FBXL18: variants seen among roughly 807,000 people sequenced by gnomAD.
The protein encoded by FBXL18 is F-box/LRR-repeat protein 18.
In FBXL18, 36 loss-of-function variants were observed where a neutral mutation model predicts 46.0. The observed-to-expected ratio is 0.78, with a 90% confidence interval of 0.60 to 1.03. The LOEUF (loss-of-function observed/expected upper bound fraction) is 1.03. Ranked by LOEUF, FBXL18 falls within the 50% of genes least tolerant of loss-of-function variation. The pLI is 0.00. For missense variants in FBXL18, 977 were observed against 1,004.1 expected (o/e 0.97, Z 0.36); for synonymous variants, 557 against 465.3 (o/e 1.20, Z -2.54).
intron 2 of FBXL18, among the ~76,000 whole-genome samples, chr7:5,503,226 A>G (rs1784312754): frequency 6.6e-6 from 1 of 152,232 alleles, no homozygotes; most frequent in Admixed American, 6.5e-5. Flanking sequence ...ACCAAAAAGA[A>G]AAAATATATT....
intron 3 of FBXL18, among the ~76,000 whole-genome samples, chr7:5,492,505 G>A (rs1026751104): frequency 2.6e-5 from 4 of 151,904 alleles, no homozygotes; most frequent in Admixed American, 1.3e-4. Context: ...GGGCTGAGGC[G>A]AATGGGGAGG....
chr7:5,501,396 C>T lies in FBXL18; in HGVS notation c.873G>A (p.Val291=), dbSNP rs1002321875. The change falls in exon 3 of 5, where the codon GTG becomes GTA. Residue 291 remains valine, a synonymous_variant. Transcript: ENST00000382368. ...NLLDSMARNV[V]LDALQLPKSW... The stretch of plus-strand genomic sequence containing the variant: ...ACTTGGGCAGCTGCAGGGCATCCAG[C>T]ACGACATTGCGCGCCATGGAGTCCA... The T allele has an allele frequency of 2.5e-6, 4 of 1,613,682 alleles. No individual in the cohort carries two copies. The highest frequency in any genetic ancestry group is 1.6e-4 in the Middle Eastern group (1 of 6,084).
chr7:5,485,336 T>C (rs370350353), intron 4 of FBXL18, among the ~76,000 whole-genome samples: 2 of 152,180 alleles, frequency 1.3e-5, no homozygotes. Context: ...CCTGTGCGGC[T>C]TCATAGTCTG....
intron 4 of FBXL18, among the ~76,000 whole-genome samples, chr7:5,485,698 G>A (rs974434302): frequency 2.6e-5 from 4 of 151,918 alleles, no homozygotes; most frequent in East Asian, 1.9e-4. Flanking sequence ...ATCTGAGGTC[G>A]GGAGTTCGAG....
chr7:5,512,524 G>A (rs892291073), intron 1 of FBXL18, among the ~76,000 whole-genome samples: 4 of 152,218 alleles, frequency 2.6e-5, no homozygotes, highest in South Asian at 4.1e-4. Flanking sequence ...CTGAGAAGGG[G>A]AATCGCTTGA....
In FBXL18 at chr7:5,501,114, C is replaced by T. The variant is rs754507084; in HGVS notation, c.1155G>A (p.Leu385=). The part of the protein sequence containing the change: ...LETLVASCCN[L]RHLNLSAAHH... Reference sequence around the variant, plus strand: ...GGGCGGCCGAGAGGTTCAGGTGGCGCAGGTTGCAGCAGGACGCCACCAGAG... The same window carrying T: ...GGGCGGCCGAGAGGTTCAGGTGGCGTAGGTTGCAGCAGGACGCCACCAGAG... Residue 385 remains leucine (L), a synonymous_variant, in exon 3 of 5, where the codon CTG becomes CTA. Transcript: ENST00000382368. 6.2e-7 allele frequency: 1 copy of T among 1,612,758 alleles called. No individual in the cohort carries two copies. The highest frequency in any genetic ancestry group is 1.1e-5 in the South Asian group (1 of 91,058).
intron 4 of FBXL18, among the ~76,000 whole-genome samples, chr7:5,466,529 C>A (rs1191922125): frequency 6.6e-6 from 1 of 152,216 alleles, no homozygotes; most frequent in Non-Finnish European, 1.5e-5. Context: ...CAGCCCTCGG[C>A]TCTTCCTCTC....
At position 5,491,442 on chromosome 7, in the gene FBXL18, G is replaced by C. The variant is rs1469962175; in HGVS notation, c.1789C>G (p.Gln597Glu). The C allele has an allele frequency of 6.3e-7, 1 of 1,578,326 alleles. No homozygotes were observed. Among genetic ancestry groups the C allele is most frequent in the Admixed American group, 1.9e-5 (1 of 53,964 alleles). ...TGGGCGTTGGCGCTGAAGTAGGGCTGCTCCAGCCTGCGGGGAGAGAGGGCA... is the reference window on the plus strand; with the variant it reads ...TGGGCGTTGGCGCTGAAGTAGGGCTCCTCCAGCCTGCGGGGAGAGAGGGCA... ...CKRLRDLRLE[Q>E]PYFSANAQFF... Residue 597 changes from glutamine (Q) to glutamate (E), a missense_variant, in exon 4 of 5, where the codon CAG becomes GAG. Transcript: ENST00000382368.
chr7:5,495,391 G>A (rs1436983392), intron 3 of FBXL18, among the ~76,000 whole-genome samples: 1 of 152,186 alleles, frequency 6.6e-6, no homozygotes, highest in Non-Finnish European at 1.5e-5. Context: ...CAGCAGCCCG[G>A]GTGACTCAGG....
intron 4 of FBXL18, among the ~76,000 whole-genome samples, chr7:5,456,639 G>GAAA (rs11442038): frequency 1.4e-5 from 2 of 140,174 alleles, no homozygotes; most frequent in Admixed American, 7.1e-5. Context: ...TTAAGGTATG[G>GAAA]AAAAAAAAAA....
Position 5,510,883 on chromosome 7 carries a change from G to A in FBXL18, c.18+2774C>T, listed in dbSNP as rs1784515131. ...TGAAATTCCAATTCTGGTGTGAGTG[G>A]CAGGCCCTGGAATGTGCTTACCAGG... On this transcript the variant is annotated intron_variant, in intron 1 of 4. Transcript: ENST00000382368. 9.2e-5 allele frequency among the ~76,000 whole-genome samples: 14 copies of A among 152,238 alleles called. 1 individual carries two copies. In the South Asian group the frequency reaches 2.9e-3, roughly 32 times the overall value.
chr7:5,474,378 G>A (rs921844020), downstream of FBXL18, among the ~76,000 whole-genome samples: 2 of 150,266 alleles, frequency 1.3e-5, no homozygotes, highest in African/African-American at 2.5e-5. Flanking sequence ...GTGCAATCAC[G>A]GCTCACTGCA....
chr7:5,467,356 A>C (rs1443132049), intron 4 of FBXL18, among the ~76,000 whole-genome samples: 2 of 151,226 alleles, frequency 1.3e-5, no homozygotes, highest in East Asian at 1.9e-4. Flanking sequence ...GTCTTAAAAA[A>C]TAATAATAAT....
At position 5,478,664 on chromosome 7, in the gene FBXL18, C is replaced by T. The variant is rs748802480; in HGVS notation, c.*3111G>A. On this transcript the variant is annotated 3_prime_UTR_variant, in exon 5 of 5. Transcript: ENST00000382368. ...CCTCCCTCCAACCCCACAGTCTCTCCCTCACATACACACACGGAAGACGTG... is the reference window on the plus strand; with the variant it reads ...CCTCCCTCCAACCCCACAGTCTCTCTCTCACATACACACACGGAAGACGTG... The T allele has an allele frequency of 1.3e-5, 2 of 152,492 alleles. No homozygotes were observed. The highest frequency in any genetic ancestry group is 2.9e-5 in the Non-Finnish European group (2 of 68,198). The allele number at this position is 152,492 out of a possible 1,614,324, so 9.4% of individuals were successfully genotyped here. A position where few individuals can be genotyped will look rare whatever the true frequency, so the allele number is the denominator to read the frequency against.
Position 5,502,859 on chromosome 7 carries a change from G to A in FBXL18, c.238-828C>T, listed in dbSNP as rs533878119. 7.3e-5 allele frequency among the ~76,000 whole-genome samples: 11 copies of A among 150,764 alleles called. No homozygotes were observed. In the East Asian group the frequency reaches 1.9e-3, roughly 27 times the overall value. The stretch of plus-strand genomic sequence containing the variant: ...AAAAAAAAAAAAAAACGGTTTGGTG[G>A]TGGTTCCTCAAAAAGCTAAACATAG... On this transcript the variant is annotated intron_variant, in intron 2 of 4. Transcript: ENST00000382368.
chr7:5,481,902 A>T lies in FBXL18; in HGVS notation c.2030T>A (p.Val677Asp), dbSNP rs1416404265. The T allele has an allele frequency of 6.2e-7, 1 of 1,612,298 alleles. No homozygotes were observed. Among genetic ancestry groups the T allele is most frequent in the Non-Finnish European group, 8.5e-7 (1 of 1,179,304 alleles). The change falls in exon 5 of 5, where the codon GTC (valine) becomes GAC (aspartate). Residue 677 changes from valine to aspartate, a missense_variant. By Grantham distance (152) the Val-to-Asp change is radical. Transcript: ENST00000382368. ...CTCGTGGAGCAGAGGGAAGATGACG[A>T]CGTTTAACGCGGGCCGCTCGGCCTG... ...SFQAERPALN[V>D]VIFPLLHEGL...
At chr7:5,471,213 C>T (rs13230195), downstream of FBXL18, among the ~76,000 whole-genome samples, 35,287 of 152,150 alleles carry the variant, frequency 0.23, 4,645 homozygotes, top group Non-Finnish European at 0.29. Flanking sequence ...TGGGGGCAGC[C>T]AAAGCCTCTC....
At chr7:5,472,541 AC>A (rs1185094143), downstream of FBXL18, among the ~76,000 whole-genome samples, 4 of 151,608 alleles carry the variant, frequency 2.6e-5, no homozygotes. Flanking sequence ...ACATGGAGAG[AC>A]CACATGGAGG....
In FBXL18 at chr7:5,502,034, G is replaced by A. The variant is rs754807904; in HGVS notation, c.238-3C>T. 6 of 1,572,664 alleles carry A rather than the reference G, an allele frequency of 3.8e-6. No individual in the cohort carries two copies. The highest frequency in any genetic ancestry group is 5.2e-6 in the Non-Finnish European group (6 of 1,158,030). On this transcript the variant is annotated splice_region_variant and splice_polypyrimidine_tract_variant and intron_variant, in intron 2 of 4. Transcript: ENST00000382368. ...TGCCTCACTTTGTCCTCGCTCGCCT[G>A]CGGGACAGAGGCAGGGTGGGGAGAG... is the stretch of plus-strand genomic sequence containing the variant.
Sources: allele counts gnomAD v4.1 joint callset (sites outside exome capture counted in the v4.1 genomes callset), GRCh38; gene constraint gnomAD v4.1.1; transcripts MANE v1.5; gene names NCBI Gene and HGNC (gene_info 2026-07-23, HGNC 2026-07-21).